Variants in MYO1B observed in about 807,000 individuals in gnomAD.
The protein encoded by MYO1B is unconventional myosin-Ib.
MYO1B carries 72 observed loss-of-function variants against 159.7 expected under a neutral mutation model. The ratio of observed to expected loss-of-function variants is 0.45; its 90% CI spans 0.37 to 0.55. The LOEUF (loss-of-function observed/expected upper bound fraction) is 0.55, where lower values mean the gene tolerates loss of function less well. Ranked by LOEUF, MYO1B falls within the 20% of genes least tolerant of loss-of-function variation. The probability of loss-of-function intolerance (pLI) is 0.00; values close to 1 mark genes in which losing one functional copy is unlikely to be tolerated. For synonymous variants in MYO1B, 468 were observed against 473.8 expected (o/e 0.99, Z 0.16); for missense variants, 1,062 against 1,364.8 (o/e 0.78, Z 3.50).
Position 191,350,213 on chromosome 2 carries a change from G to C in MYO1B, c.550G>C (p.Val184Leu). The change falls in exon 7 of 31, where the codon GTA (valine) becomes CTA (leucine). Residue 184 changes from valine to leucine, a missense_variant. Physicochemically the swap from Val to Leu is conservative, Grantham distance 32. Coordinates refer to ENST00000392318, the MANE Select transcript of MYO1B (RefSeq NM_001130158.3). Reference protein sequence around the residue: ...FDFKGDPLGGVISNYLLEKSR... With the variant: ...FDFKGDPLGGLISNYLLEKSR... ...CTTTAAAGGCGATCCACTAGGAGGAGTAATAAGTAACTGTGAGTATTTTTC... is the reference window on the plus strand; with the variant it reads ...CTTTAAAGGCGATCCACTAGGAGGACTAATAAGTAACTGTGAGTATTTTTC... The C allele has an allele frequency of 6.2e-7, 1 of 1,611,978 alleles. No individual in the cohort carries two copies. The highest frequency in any genetic ancestry group is 8.5e-7 in the Non-Finnish European group (1 of 1,178,488).
chr2:191,424,823 A>G lies in MYO1B; in HGVS notation c.*863A>G, dbSNP rs1698133944. ...ATTGTTTTCACCCAAATTTGAGTAG[A>G]TATTTTAAACACCTAACAAAGTAAA... is the stretch of plus-strand genomic sequence containing the variant. On this transcript the variant is annotated 3_prime_UTR_variant, in exon 31 of 31. Coordinates refer to ENST00000392318, the MANE Select transcript of MYO1B (RefSeq NM_001130158.3). 6.6e-6 allele frequency: 1 copy of G among 152,630 alleles called. No homozygotes were observed. The highest frequency in any genetic ancestry group is 6.5e-5 in the Admixed American group (1 of 15,278). 9.5% of individuals were successfully genotyped at this position (152,630 alleles called of 1,614,324 possible).
At position 191,424,114 on chromosome 2, in the gene MYO1B, T is replaced by C. The variant is rs760274747; in HGVS notation, c.*154T>C. The C allele has an allele frequency of 1.7e-4, 145 of 872,688 alleles. No individual in the cohort carries two copies. The highest frequency in any genetic ancestry group is 2.3e-4 in the Non-Finnish European group (130 of 563,516). The allele number at this position is 872,688 out of a possible 1,614,324, so 54.1% of individuals were successfully genotyped here. A position where few individuals can be genotyped will look rare whatever the true frequency, so the allele number is the denominator to read the frequency against. On this transcript the variant is annotated 3_prime_UTR_variant, in exon 31 of 31. Coordinates refer to ENST00000392318, the MANE Select transcript of MYO1B (RefSeq NM_001130158.3). ...ATATTTGACTAATCAATTTTTATTA[T>C]TGGAATAGTTTTAACCTTTCAAATA...
chr2:191,424,026 T>C lies in MYO1B; in HGVS notation c.*66T>C. Reference sequence around the variant, plus strand: ...AATAGTGCAATTTGGTTTTGTTTTATTTGGGGTTCATTGTATGTTTGGGAA... The same window carrying C: ...AATAGTGCAATTTGGTTTTGTTTTACTTGGGGTTCATTGTATGTTTGGGAA... On this transcript the variant is annotated 3_prime_UTR_variant, in exon 31 of 31. Coordinates refer to ENST00000392318, the MANE Select transcript of MYO1B (RefSeq NM_001130158.3). The C allele has an allele frequency of 6.5e-7, 1 of 1,536,226 alleles. No homozygotes were observed. Among genetic ancestry groups the C allele is most frequent in the Non-Finnish European group, 8.8e-7 (1 of 1,137,800 alleles).
intron 21 of MYO1B, among the ~76,000 whole-genome samples, chr2:191,400,175 T>A (rs940321635): frequency 1.5e-4 from 23 of 152,140 alleles, no homozygotes; most frequent in Admixed American, 1.4e-3. Flanking sequence ...GCTGTTCCAA[T>A]CAAGTGGAAA....
chr2:191,409,039 C>G lies in MYO1B; in HGVS notation c.2632-5C>G. The G allele has an allele frequency of 6.2e-7, 1 of 1,607,838 alleles. No individual in the cohort carries two copies. Among genetic ancestry groups the G allele is most frequent in the Non-Finnish European group, 8.5e-7 (1 of 1,178,408 alleles). On this transcript the variant is annotated splice_polypyrimidine_tract_variant and splice_region_variant and intron_variant, in intron 25 of 30. Coordinates refer to ENST00000392318, the MANE Select transcript of MYO1B (RefSeq NM_001130158.3). ...CATGTAGTATTTTCTGTCAACCCAA[C>G]ACAGGTGCAAAAATACTTCTTGGAA...
chr2:191,398,510 A>G (rs867503025), intron 21 of MYO1B, among the ~76,000 whole-genome samples: 7 of 146,660 alleles, frequency 4.8e-5, no homozygotes, highest in Non-Finnish European at 1.1e-4. Context: ...CACTTCTCAG[A>G]CGGGGCGGTT....
intron 2 of MYO1B, among the ~76,000 whole-genome samples, chr2:191,288,321 A>T (rs1457340970): frequency 6.6e-6 from 1 of 150,584 alleles, no homozygotes; most frequent in Non-Finnish European, 1.5e-5. Context: ...GTCTTATGTC[A>T]CTCTTTGGGG....
intron 30 of MYO1B, among the ~76,000 whole-genome samples, chr2:191,419,319 T>C (rs191031200): frequency 0.056 from 8,478 of 151,946 alleles, 311 homozygotes; most frequent in Non-Finnish European, 0.082. Flanking sequence ...CCTGGGTTCA[T>C]GCCATTCTCC....
At chr2:191,287,796 A>G (rs1398042173) in intron 2 of MYO1B, among the ~76,000 whole-genome samples, 4 of 152,008 alleles carry the variant, frequency 2.6e-5, no homozygotes, top group Non-Finnish European at 4.4e-5. Context: ...TTTCACTTCA[A>G]AACTGCTTTT....
chr2:191,292,288 T>C (rs1688729826), intron 2 of MYO1B, among the ~76,000 whole-genome samples: 1 of 152,224 alleles, frequency 6.6e-6, no homozygotes, highest in Admixed American at 6.5e-5. Context: ...ATTTATTCTA[T>C]GCCAAATATG....
intron 13 of MYO1B, among the ~76,000 whole-genome samples, chr2:191,380,386 C>G (rs1472682350): frequency 1.3e-5 from 2 of 152,194 alleles, no homozygotes; most frequent in African/African-American, 4.8e-5. Context: ...GCTCTCCTTC[C>G]TCATTAGACC....
At chr2:191,347,577 C>T (rs1214880121) in intron 6 of MYO1B, among the ~76,000 whole-genome samples, 1 of 152,170 alleles carries the variant, frequency 6.6e-6, no homozygotes, top group Non-Finnish European at 1.5e-5. Context: ...TATTACTACT[C>T]AGTGATATTT....
chr2:191,402,247 A>C (rs1183435699), intron 23 of MYO1B: 1 of 216,094 alleles, frequency 4.6e-6, no homozygotes, highest in African/African-American at 2.4e-5. Context: ...GCTGTCAGCA[A>C]AGGGGAGTCT....
At chr2:191,381,225 T>C (rs1241142446) in intron 13 of MYO1B, 1 of 540,844 alleles carries the variant, frequency 1.8e-6, no homozygotes, top group Non-Finnish European at 3.4e-6. Context: ...CAACTAAAAG[T>C]CTTCATCCTT....
chr2:191,255,624 C>G (rs1686392387), intron 1 of MYO1B, among the ~76,000 whole-genome samples: 1 of 152,206 alleles, frequency 6.6e-6, no homozygotes, highest in African/African-American at 2.4e-5. Flanking sequence ...AGTAAATTAT[C>G]ATAATAGTGG....
At chr2:191,417,717 A>T (rs1697661457) in intron 30 of MYO1B, among the ~76,000 whole-genome samples, 1 of 152,258 alleles carries the variant, frequency 6.6e-6, no homozygotes, top group South Asian at 2.1e-4. Context: ...ATAACGATGT[A>T]CTGTGAAAAA....
At chr2:191,374,656 G>A (rs576898544) in intron 13 of MYO1B, among the ~76,000 whole-genome samples, 58 of 152,256 alleles carry the variant, frequency 3.8e-4, no homozygotes, top group Middle Eastern at 6.8e-3. Context: ...CATGTGATCC[G>A]ATGTCAGTTT....
intron 2 of MYO1B, among the ~76,000 whole-genome samples, chr2:191,282,702 C>T (rs1688134684): frequency 6.6e-6 from 1 of 152,146 alleles, no homozygotes; most frequent in Admixed American, 6.5e-5. Flanking sequence ...GGAGGAGGTT[C>T]TCTTTTATCT....
chr2:191,371,063 C>G (rs1309697787), intron 13 of MYO1B: 2 of 152,128 alleles, frequency 1.3e-5, no homozygotes, highest in African/African-American at 4.8e-5. Context: ...TTTTTGCCCC[C>G]TTGCTAACTT....
Sources: allele counts gnomAD v4.1 joint callset (sites outside exome capture counted in the v4.1 genomes callset), GRCh38; gene constraint gnomAD v4.1.1; transcripts MANE v1.5; gene names NCBI Gene and HGNC (gene_info 2026-07-23, HGNC 2026-07-21).